Variants in SYNE1 observed in about 807,000 individuals in gnomAD.
SYNE1 encodes nesprin-1.
Under a neutral mutation model 1,111.0 loss-of-function variants are expected in SYNE1, and 616 were observed. The observed-to-expected ratio is 0.55, with a 90% CI of 0.52 to 0.59. SYNE1 has a LOEUF of 0.59. SYNE1 is among the 20% of genes least tolerant of loss of function. SYNE1 has a pLI of 0.00. For synonymous variants in SYNE1, 3,855 were observed against 3,825.8 expected (o/e 1.01, Z -0.28); for missense variants, 10,006 against 10,417.0 (o/e 0.96, Z 1.72).
chr6:152,376,943 G>A, intron 56 of SYNE1, 31 bp from the exon 57 acceptor site: 1 of 1,611,810 alleles, frequency 6.2e-7, no homozygotes, highest in Non-Finnish European at 8.5e-7. Context: ...AAAGAAGCGA[G>A]CACTTACATT....
chr6:152,302,559 C>T (rs188666088), intron 91 of SYNE1, among the ~76,000 whole-genome samples: 9 of 152,306 alleles, frequency 5.9e-5, no homozygotes, highest in Non-Finnish European at 1.3e-4. Context: ...CATAGGGTCA[C>T]ATACTCAATA....
Position 152,407,012 on chromosome 6 carries a change from A to G in SYNE1, c.6723+2T>C. ...TGCCATATGTCAACACAGTCAATTT[A>G]CCTCAAATTCTTTAAGCAGTTCTTC... On this transcript the variant is annotated splice_donor_variant, in intron 45 of 145. Transcript: ENST00000367255. LOFTEE classifies it high-confidence loss of function. 6.2e-7 allele frequency: 1 copy of G among 1,613,034 alleles called. No homozygotes were observed.
chr6:152,333,967 T>C, intron 77 of SYNE1, 41 bp downstream of exon 77: 1 of 1,613,880 alleles, frequency 6.2e-7, no homozygotes, highest in Non-Finnish European at 8.5e-7. Flanking sequence ...AAGAAATGTC[T>C]GGCTTAGCAT....
At chr6:152,613,815 C>A (rs925241109) in intron 3 of SYNE1, among the ~76,000 whole-genome samples, 1 of 121,734 alleles carries the variant, frequency 8.2e-6, no homozygotes, top group African/African-American at 2.6e-5. Context: ...AGAACAGAGC[C>A]CTCAGAAATA....
intron 100 of SYNE1, among the ~76,000 whole-genome samples, chr6:152,267,788 G>C (rs1205867690): frequency 6.6e-6 from 1 of 152,100 alleles, no homozygotes; most frequent in African/African-American, 2.4e-5. Context: ...TTTCTTATTC[G>C]ATTAAAAAGA....
intron 58 of SYNE1, among the ~76,000 whole-genome samples, chr6:152,375,303 T>C (rs756578926): frequency 1.3e-5 from 2 of 152,190 alleles, no homozygotes; most frequent in Non-Finnish European, 2.9e-5. Context: ...TATTAAGTTA[T>C]TAACCAAGAA....
intron 3 of SYNE1, among the ~76,000 whole-genome samples, chr6:152,567,149 T>G (rs866015): frequency 0.72 from 109,339 of 151,738 alleles, 39,464 homozygotes; most frequent in East Asian, 0.81. Flanking sequence ...GATTTACTGT[T>G]TAAGTGTCAT....
intron 3 of SYNE1, among the ~76,000 whole-genome samples, chr6:152,553,114 G>A (rs1394807536): frequency 6.6e-6 from 1 of 152,126 alleles, no homozygotes; most frequent in African/African-American, 2.4e-5. Context: ...ATAACCGTAT[G>A]AGAAAATATC....
intron 109 of SYNE1, 149 bp downstream of exon 109, chr6:152,236,668 T>C: frequency 9.2e-7 from 1 of 1,081,500 alleles, no homozygotes; most frequent in Non-Finnish European, 1.4e-6. Context: ...TGTCCAACTA[T>C]AAATAACAGA....
intron 3 of SYNE1, among the ~76,000 whole-genome samples, chr6:152,552,037 T>C (rs2099348738): frequency 6.6e-6 from 1 of 152,190 alleles, no homozygotes; most frequent in Non-Finnish European, 1.5e-5. Flanking sequence ...TGTCCTGAAA[T>C]ACTACCTTCA....
intron 98 of SYNE1, among the ~76,000 whole-genome samples, chr6:152,276,424 C>T (rs1456851523): frequency 6.6e-6 from 1 of 151,886 alleles, no homozygotes; most frequent in Non-Finnish European, 1.5e-5. Context: ...AGTCATCTTC[C>T]TAAATTTCTC....
At chr6:152,146,113 CAT>C (rs1179919955) in intron 137 of SYNE1, 1 of 155,040 alleles carries the variant, frequency 6.4e-6, no homozygotes, top group Non-Finnish European at 1.4e-5. Context: ...AAATTTATCA[CAT>C]AGAAACCCTA....
chr6:152,620,507 C>G (rs1463724551), intron 3 of SYNE1, among the ~76,000 whole-genome samples: 1 of 152,120 alleles, frequency 6.6e-6, no homozygotes, highest in East Asian at 1.9e-4. Context: ...AAAATAAGGT[C>G]TCAGTTTTCC....
At chr6:152,361,890 A>G (rs1303535303) in intron 64 of SYNE1, among the ~76,000 whole-genome samples, 1 of 152,034 alleles carries the variant, frequency 6.6e-6, no homozygotes, top group Non-Finnish European at 1.5e-5. Flanking sequence ...GAGCAGGCTG[A>G]AGACATTAAA....
intron 3 of SYNE1, among the ~76,000 whole-genome samples, chr6:152,568,309 T>C (rs1321000915): frequency 1.4e-5 from 2 of 142,874 alleles, no homozygotes; most frequent in Non-Finnish European, 3.0e-5. Context: ...TTTTTTTTTT[T>C]TTTTTGAGAT....
intron 137 of SYNE1, chr6:152,143,970 G>A (rs2058993771): frequency 2.9e-6 from 2 of 679,132 alleles, no homozygotes; most frequent in Non-Finnish European, 5.0e-6. Flanking sequence ...TTGACTGAGA[G>A]CCCTAGCAGA....
rs754454832 is a variant in SYNE1 at position 152,189,424 on chromosome 6, A to T, written c.23146-17T>A. On this transcript the variant is annotated splice_polypyrimidine_tract_variant and intron_variant, in intron 127 of 145. Coordinates refer to ENST00000367255, the MANE Select transcript of SYNE1 (RefSeq NM_182961.4). ...TTCTAATTCCTAAATAAAAAAACAA[A>T]CTTGAATACCCACGGACATCTCCTG... 2.5e-6 allele frequency: 4 copies of T among 1,613,420 alleles called. No individual in the cohort carries two copies. Among genetic ancestry groups the T allele is most frequent in the Non-Finnish European group, 3.4e-6 (4 of 1,179,678 alleles).
chr6:152,425,878 G>A (rs2154195271), intron 38 of SYNE1, among the ~76,000 whole-genome samples: 1 of 152,344 alleles, frequency 6.6e-6, no homozygotes, highest in South Asian at 2.1e-4. Flanking sequence ...TCTAGAAGCT[G>A]TAGAATTTCT....
At chr6:152,291,198 A>G (rs1430707597) in intron 95 of SYNE1, among the ~76,000 whole-genome samples, 4 of 111,094 alleles carry the variant, frequency 3.6e-5, no homozygotes, top group East Asian at 5.5e-4. Flanking sequence ...AATATGATAT[A>G]TTAATATATG....
Sources: gnomAD v4.1 joint callset for allele counts (sites outside exome capture counted in the v4.1 genomes callset) on GRCh38, gnomAD v4.1.1 for gene constraint, MANE v1.5 for transcripts, NCBI Gene and HGNC (gene_info 2026-07-23, HGNC 2026-07-21) for gene names.